The following GRID2 variants were observed in gnomAD, a reference collection of about 807,000 sequenced individuals.
GRID2 encodes the protein glutamate ionotropic receptor delta type subunit 2.
Under a neutral mutation model 114.8 loss-of-function variants are expected in GRID2, and 33 were observed. The ratio of observed to expected loss-of-function variants is 0.29; its 90% CI spans 0.22 to 0.38. The LOEUF (loss-of-function observed/expected upper bound fraction) is 0.38, where lower values mean the gene tolerates loss of function less well. Ranked by LOEUF, GRID2 falls within the 10% of genes least tolerant of loss-of-function variation. The probability of loss-of-function intolerance (pLI) is 1.00; values close to 1 mark genes in which losing one functional copy is unlikely to be tolerated. For missense variants in GRID2, 1,184 were observed against 1,257.7 expected, an observed-to-expected ratio of 0.94 and a Z score of 0.89; for synonymous variants, 505 against 449.9, an observed-to-expected ratio of 1.12 and a Z score of -1.55.
At chr4:93,802,740 A>G (rs920869746) in intron 1 of GRID2, among the ~76,000 whole-genome samples, 3 of 152,218 alleles carry the variant, frequency 2.0e-5, no homozygotes, top group African/African-American at 7.2e-5. Flanking sequence ...CCCATAGTCA[A>G]CATCTCTGCA....
At chr4:93,000,012 T>C (rs1755440617) in intron 2 of GRID2, among the ~76,000 whole-genome samples, 1 of 151,666 alleles carries the variant, frequency 6.6e-6, no homozygotes, top group Non-Finnish European at 1.5e-5. Context: ...TTGTTTGCAT[T>C]TTTATATGAG....
At chr4:93,742,457 A>C (rs1340023514) in intron 14 of GRID2, among the ~76,000 whole-genome samples, 8 of 152,230 alleles carry the variant, frequency 5.3e-5, no homozygotes, top group Admixed American at 5.2e-4. Flanking sequence ...GCTACAATAC[A>C]AGCATATGTG....
chr4:92,502,995 C>T (rs749960642), intron 1 of GRID2, among the ~76,000 whole-genome samples: 4 of 151,946 alleles, frequency 2.6e-5, no homozygotes, highest in Admixed American at 6.6e-5. Context: ...GGATTACAGA[C>T]ATGCCATATG....
chr4:92,486,547 TCACACACACACACACACA>T (rs72216440), intron 1 of GRID2, among the ~76,000 whole-genome samples: 4 of 137,170 alleles, frequency 2.9e-5, no homozygotes, highest in Admixed American at 2.3e-4. Flanking sequence ...TCTCTCTCTT[TCACACACACACACACACA>T]CACACACACA....
chr4:92,768,218 A>T (rs891599584), intron 2 of GRID2, among the ~76,000 whole-genome samples: 1 of 152,158 alleles, frequency 6.6e-6, no homozygotes, highest in South Asian at 2.1e-4. Flanking sequence ...ATGTTTTTCT[A>T]TTGTTATATG....
intron 4 of GRID2, among the ~76,000 whole-genome samples, chr4:93,168,241 A>AAAAGG (rs1205427408): frequency 2.6e-5 from 4 of 151,670 alleles, no homozygotes; most frequent in Admixed American, 6.6e-5. Context: ...GAAAGGAAAG[A>AAAAGG]AAAGGAAAGG....
At chr4:92,938,536 A>C (rs564354253) in intron 2 of GRID2, among the ~76,000 whole-genome samples, 2 of 146,146 alleles carry the variant, frequency 1.4e-5, no homozygotes, top group South Asian at 4.6e-4. Flanking sequence ...ATGTAATATT[A>C]AGATTAGTGG....
chr4:92,982,022 T>TAAAAA (rs1161216679), intron 2 of GRID2, among the ~76,000 whole-genome samples: 67 of 80,102 alleles, frequency 8.4e-4, no homozygotes, highest in African/African-American at 1.2e-3. Flanking sequence ...AAAGTACTGG[T>TAAAAA]AAAAAAAAAA....
intron 2 of GRID2, among the ~76,000 whole-genome samples, chr4:93,011,948 A>G (rs1722218528): frequency 6.6e-6 from 1 of 151,958 alleles, no homozygotes; most frequent in African/African-American, 2.4e-5. Context: ...AACATAGACA[A>G]TACTTAAGTA....
intron 2 of GRID2, among the ~76,000 whole-genome samples, chr4:92,963,684 G>T (rs985667380): frequency 3.9e-5 from 6 of 151,982 alleles, no homozygotes; most frequent in African/African-American, 1.4e-4. Flanking sequence ...TGCTCATGTT[G>T]ATTATGTTGA....
chr4:92,858,519 A>G (rs1210147233), intron 2 of GRID2, among the ~76,000 whole-genome samples: 1 of 152,168 alleles, frequency 6.6e-6, no homozygotes. Flanking sequence ...GAATTGCTGC[A>G]ATCTTATGAT....
intron 14 of GRID2, among the ~76,000 whole-genome samples, chr4:93,721,820 A>G (rs1025519088): frequency 3.9e-5 from 6 of 152,106 alleles, no homozygotes; most frequent in African/African-American, 1.4e-4. Flanking sequence ...TAATCTTCAT[A>G]ATAACAGGAT....
chr4:92,491,478 TTAAAG>T (rs1433255070), intron 1 of GRID2, among the ~76,000 whole-genome samples: 2 of 152,158 alleles, frequency 1.3e-5, no homozygotes, highest in Non-Finnish European at 1.5e-5. Flanking sequence ...TCCAAATTGT[TTAAAG>T]TAACAAATTA....
chr4:93,435,795 G>A (rs537318390), intron 10 of GRID2, among the ~76,000 whole-genome samples: 1 of 152,108 alleles, frequency 6.6e-6, no homozygotes, highest in Non-Finnish European at 1.5e-5. Flanking sequence ...AACAACTATG[G>A]ATATACCTCT....
At chr4:92,855,209 C>T (rs933660376) in intron 2 of GRID2, among the ~76,000 whole-genome samples, 1 of 151,992 alleles carries the variant, frequency 6.6e-6, no homozygotes, top group African/African-American at 2.4e-5. Flanking sequence ...GTAAAGATGA[C>T]TGACTTAATG....
intron 1 of GRID2, among the ~76,000 whole-genome samples, chr4:92,355,815 T>C (rs1728290964): frequency 1.3e-5 from 2 of 151,832 alleles, no homozygotes; most frequent in African/African-American, 4.8e-5. Flanking sequence ...GGATATCAGG[T>C]ATGTGACACA....
chr4:92,466,903 C>A (rs1274280720), intron 1 of GRID2, among the ~76,000 whole-genome samples: 4 of 151,354 alleles, frequency 2.6e-5, no homozygotes. Flanking sequence ...TACGATAATT[C>A]CTTATTTTAT....
chr4:92,930,370 G>A (rs1269619746), intron 2 of GRID2, among the ~76,000 whole-genome samples: 1 of 151,144 alleles, frequency 6.6e-6, no homozygotes, highest in African/African-American at 2.4e-5. Flanking sequence ...TTTAATAAAA[G>A]TCAAAACATT....
At position 92,940,008 on chromosome 4, in the gene GRID2, T is replaced by C. The variant is rs372834112; in HGVS notation, c.245-144987T>C. On this transcript the variant is annotated intron_variant, in intron 2 of 15. Transcript: ENST00000282020. ...TTGAAGTCAGGTAGCGTGATGCCTC[T>C]AGCTTTGTTCTTTTGGCTTAGAATT... Among the ~76,000 whole-genome samples the C allele has an allele frequency of 3.4e-5, 5 of 147,092 alleles. 1 individual carries two copies. Among genetic ancestry groups the C allele is most frequent in the Admixed American group, 2.2e-4 (3 of 13,672 alleles).
Sources: allele counts gnomAD v4.1 joint callset (sites outside exome capture counted in the v4.1 genomes callset), GRCh38; gene constraint gnomAD v4.1.1; transcripts MANE v1.5; gene names NCBI Gene and HGNC (gene_info 2026-07-23, HGNC 2026-07-21).